DLG2: variants seen among roughly 807,000 people sequenced by gnomAD.
DLG2 encodes the protein discs large MAGUK scaffold protein 2.
Under a neutral mutation model 132.5 loss-of-function variants are expected in DLG2, and 45 were observed. The ratio of observed to expected loss-of-function variants is 0.34; its 90% CI spans 0.27 to 0.44. The LOEUF (loss-of-function observed/expected upper bound fraction) is 0.44, where lower values mean the gene tolerates loss of function less well. DLG2 is among the 20% of genes least tolerant of loss of function. The probability of loss-of-function intolerance (pLI) is 1.00; values close to 1 mark genes in which losing one functional copy is unlikely to be tolerated. For missense variants in DLG2, 1,045 were observed against 1,196.9 expected (o/e 0.87, Z 1.87); for synonymous variants, 424 against 419.6 (o/e 1.01, Z -0.13).
In DLG2 at chr11:84,090,121, T is replaced by A. The variant is rs555452074; in HGVS notation, c.749+8802A>T. Among the ~76,000 whole-genome samples the A allele has an allele frequency of 6.6e-5, 10 of 152,204 alleles. No individual in the cohort carries two copies. In the South Asian group the frequency reaches 1.9e-3, roughly 28 times the overall value. On this transcript the variant is annotated intron_variant, in intron 10 of 27. Coordinates refer to ENST00000376104, the MANE Select transcript of DLG2 (RefSeq NM_001142699.3). ...GTTCTTTTCAAATACTGCTTAAAGA[T>A]AGGTAACGCTGGCCAGGCGCGGTGG... is the stretch of plus-strand genomic sequence containing the variant.
intron 18 of DLG2, among the ~76,000 whole-genome samples, chr11:83,660,345 T>C (rs1402522722): frequency 6.6e-6 from 1 of 152,248 alleles, no homozygotes; most frequent in African/African-American, 2.4e-5. Context: ...CACAATTATG[T>C]TCCCTTTTAT....
intron 5 of DLG2, among the ~76,000 whole-genome samples, chr11:85,146,860 A>T (rs1244129486): frequency 2.6e-5 from 4 of 152,208 alleles, no homozygotes; most frequent in African/African-American, 9.6e-5. Flanking sequence ...AGGCTACTTT[A>T]GTCAGCCAAT....
intron 11 of DLG2, among the ~76,000 whole-genome samples, chr11:84,006,322 T>C (rs1020786436): frequency 5.9e-5 from 9 of 151,560 alleles, no homozygotes; most frequent in African/African-American, 2.2e-4. Context: ...GAGAGGTAAG[T>C]TAATGGGTGC....
At chr11:84,052,092 G>T (rs558794029) in intron 11 of DLG2, among the ~76,000 whole-genome samples, 1 of 151,830 alleles carries the variant, frequency 6.6e-6, no homozygotes, top group South Asian at 2.1e-4. Flanking sequence ...TCTGCACATG[G>T]CATACCCTGA....
chr11:83,596,199 T>C (rs538182671), intron 19 of DLG2, among the ~76,000 whole-genome samples: 1 of 152,320 alleles, frequency 6.6e-6, no homozygotes, highest in African/African-American at 2.4e-5. Flanking sequence ...GCTTCAATGA[T>C]CTGATGTAAG....
At chr11:84,496,146 G>C (rs762068549) in intron 7 of DLG2, among the ~76,000 whole-genome samples, 47 of 152,074 alleles carry the variant, frequency 3.1e-4, no homozygotes, top group Non-Finnish European at 7.4e-5. Flanking sequence ...AAAGTTCCTG[G>C]GTGGATGAAG....
At chr11:85,023,097 G>GT (rs148473348) in intron 6 of DLG2, among the ~76,000 whole-genome samples, 1,792 of 152,004 alleles carry the variant, frequency 0.012, 34 homozygotes, top group African/African-American at 0.041. Flanking sequence ...AAAGTTAGGA[G>GT]TTTTTTTCTC....
At chr11:84,144,333 C>T (rs1287825715) in intron 9 of DLG2, among the ~76,000 whole-genome samples, 2 of 152,060 alleles carry the variant, frequency 1.3e-5, no homozygotes, top group South Asian at 2.1e-4. Context: ...AAGATGGAAA[C>T]CCCTACAGTC....
intron 3 of DLG2, among the ~76,000 whole-genome samples, chr11:85,306,249 T>C (rs1160969548): frequency 6.6e-6 from 1 of 152,194 alleles, no homozygotes; most frequent in Non-Finnish European, 1.5e-5. Context: ...TTATGATACA[T>C]TTATTTCACA....
Position 85,154,646 on chromosome 11 carries a change from T to C in DLG2, c.192A>G (p.Thr64=), listed in dbSNP as rs1218924085. ...HDRLQKSSEL[T]DCSGSKENAS... is the part of the protein sequence containing the mutation. ...CATTTTCCTTTGATCCACTGCAATC[T>C]GTAAGCTAAAATAAAAGTTTAAAAA... The change falls in exon 5 of 28, where the codon ACA becomes ACG. Residue 64 remains threonine (T), a synonymous_variant. Coordinates refer to ENST00000376104, the MANE Select transcript of DLG2 (RefSeq NM_001142699.3). The C allele has an allele frequency of 2.0e-6, 3 of 1,474,654 alleles. No homozygotes were observed. The highest frequency in any genetic ancestry group is 2.8e-6 in the Non-Finnish European group (3 of 1,086,984). The allele number at this position is 1,474,654 out of a possible 1,614,324, so 91.3% of individuals were successfully genotyped here. A position where few individuals can be genotyped will look rare whatever the true frequency, so the allele number is the denominator to read the frequency against.
chr11:85,335,241 C>T (rs75950894), intron 3 of DLG2, among the ~76,000 whole-genome samples: 1 of 148,268 alleles, frequency 6.7e-6, no homozygotes, highest in South Asian at 2.1e-4. Flanking sequence ...AGCATCTCTG[C>T]TTTTTTTTTT....
At chr11:85,251,488 A>G (rs1334306984) in intron 4 of DLG2, among the ~76,000 whole-genome samples, 1 of 152,228 alleles carries the variant, frequency 6.6e-6, no homozygotes, top group Non-Finnish European at 1.5e-5. Flanking sequence ...AATAATGCAT[A>G]CGTGAAAAAC....
intron 4 of DLG2, among the ~76,000 whole-genome samples, chr11:85,222,203 T>G (rs1023187997): frequency 6.6e-6 from 1 of 152,164 alleles, no homozygotes; most frequent in African/African-American, 2.4e-5. Flanking sequence ...TGACCTCAAG[T>G]GATCCGCCTG....
chr11:83,825,084 C>A (rs946270307), intron 17 of DLG2, among the ~76,000 whole-genome samples: 1 of 145,948 alleles, frequency 6.9e-6, no homozygotes, highest in Non-Finnish European at 1.5e-5. Flanking sequence ...TATATATACA[C>A]ACATATATAT....
chr11:84,443,731 G>C (rs546617837), intron 7 of DLG2, among the ~76,000 whole-genome samples: 1 of 152,170 alleles, frequency 6.6e-6, no homozygotes, highest in Admixed American at 6.5e-5. Flanking sequence ...TTTTTAAATA[G>C]GGTTATATTT....
Position 83,532,789 on chromosome 11 carries a change from G to C in DLG2, c.2118-6C>G. 1 of 1,610,700 alleles carries C rather than the reference G, an allele frequency of 6.2e-7. No homozygotes were observed. Among genetic ancestry groups the C allele is most frequent in the Non-Finnish European group, 8.5e-7 (1 of 1,178,210 alleles). On this transcript the variant is annotated splice_region_variant and splice_polypyrimidine_tract_variant and intron_variant, in intron 20 of 27. Coordinates refer to ENST00000376104, the MANE Select transcript of DLG2 (RefSeq NM_001142699.3). Reference sequence around the variant, plus strand: ...CACGTTCCTTTCTTTCCACCCTAAAGCAAATTGAGAATAAAGAGTCTCTCA... The same window carrying C: ...CACGTTCCTTTCTTTCCACCCTAAACCAAATTGAGAATAAAGAGTCTCTCA...
rs571867874 is a variant in DLG2, at chr11:84,827,357, A to G, written c.357+284304T>C. ...AAGACAGCTCAGAAACCAGCTAGAA[A>G]AACTAAAAAAAAAAAATTTATGTCT... On this transcript the variant is annotated intron_variant, in intron 6 of 27. Coordinates refer to ENST00000376104, the MANE Select transcript of DLG2 (RefSeq NM_001142699.3). 2.3e-4 allele frequency among the ~76,000 whole-genome samples: 35 copies of G among 151,828 alleles called. No homozygotes were observed. The South Asian group carries it at 3.5e-3, about 15-fold the overall frequency.
intron 3 of DLG2, among the ~76,000 whole-genome samples, chr11:85,530,297 TTTTTTA>T (rs957090835): frequency 2.7e-5 from 4 of 149,738 alleles, no homozygotes; most frequent in African/African-American, 9.8e-5. Context: ...CGCCTGGCCT[TTTTTTA>T]TTTTTATTTT....
rs369994956 is a variant in DLG2, at chr11:84,420,642, C to T, written c.519+113928G>A. Among the ~76,000 whole-genome samples, 35 of 74,854 alleles carry T rather than the reference C, an allele frequency of 4.7e-4. No individual in the cohort carries two copies. The East Asian group carries it at 0.019, about 41-fold the overall frequency. 49.1% of individuals were successfully genotyped at this position (74,854 alleles called of 152,430 possible). On this transcript the variant is annotated intron_variant, in intron 7 of 27. Transcript: ENST00000376104. The stretch of plus-strand genomic sequence containing the variant: ...CACTGCCTCAGCACAGTGACCAATG[C>T]TTGTTTTCTTTTTTTTTTTTTTTTT...
Sources: gnomAD v4.1 joint callset for allele counts (sites outside exome capture counted in the v4.1 genomes callset) on GRCh38, gnomAD v4.1.1 for gene constraint, MANE v1.5 for transcripts, NCBI Gene and HGNC (gene_info 2026-07-23, HGNC 2026-07-21) for gene names.